CTNND2: variants seen among roughly 807,000 people sequenced by gnomAD.
CTNND2 encodes catenin delta-2.
CTNND2 carries 22 observed loss-of-function variants against 144.4 expected under a neutral mutation model. The observed-to-expected ratio is 0.15, with a 90% CI of 0.11 to 0.22. The LOEUF (loss-of-function observed/expected upper bound fraction) is 0.22, where lower values mean the gene tolerates loss of function less well. Ranked by LOEUF, CTNND2 falls within the 10% of genes least tolerant of loss-of-function variation. The pLI is 1.00. For synonymous variants in CTNND2, 751 were observed against 695.6 expected, an observed-to-expected ratio of 1.08 and a Z score of -1.25; for missense variants, 1,353 against 1,618.8, an observed-to-expected ratio of 0.84 and a Z score of 2.82.
At chr5:11,866,776 G>A (rs986955171) in intron 1 of CTNND2, among the ~76,000 whole-genome samples, 1 of 152,172 alleles carries the variant, frequency 6.6e-6, no homozygotes, top group Admixed American at 6.5e-5. Context: ...CGCACAGGGA[G>A]AAAGAGAAAT....
intron 3 of CTNND2, among the ~76,000 whole-genome samples, chr5:11,426,420 T>C (rs1348240685): frequency 3.9e-5 from 6 of 152,232 alleles, no homozygotes; most frequent in Non-Finnish European, 2.9e-5. Flanking sequence ...CTTAATGCTC[T>C]GCTGTTGCCC....
chr5:11,093,649 A>G (rs1468864078), intron 15 of CTNND2, among the ~76,000 whole-genome samples: 1 of 152,180 alleles, frequency 6.6e-6, no homozygotes, highest in Non-Finnish European at 1.5e-5. Flanking sequence ...GCAAAATTAT[A>G]GTATTTTACC....
chr5:11,245,718 A>C (rs973663920), intron 9 of CTNND2, among the ~76,000 whole-genome samples: 1 of 152,178 alleles, frequency 6.6e-6, no homozygotes, highest in African/African-American at 2.4e-5. Context: ...TTTTGTGTTA[A>C]TCTGTATTAG....
At chr5:11,832,087 T>C (rs529795358) in intron 1 of CTNND2, among the ~76,000 whole-genome samples, 5 of 151,990 alleles carry the variant, frequency 3.3e-5, no homozygotes, top group Non-Finnish European at 4.4e-5. Flanking sequence ...ATCGAGACCA[T>C]CCTGGCTAAC....
chr5:11,088,688 A>G (rs1750435881), intron 15 of CTNND2, among the ~76,000 whole-genome samples: 1 of 152,220 alleles, frequency 6.6e-6, no homozygotes, highest in African/African-American at 2.4e-5. Flanking sequence ...CCTATTGATA[A>G]GCCCTTTCAG....
intron 11 of CTNND2, among the ~76,000 whole-genome samples, chr5:11,183,849 G>A (rs1002201708): frequency 2.6e-5 from 4 of 152,006 alleles, no homozygotes; most frequent in South Asian, 2.1e-4. Flanking sequence ...TTGAGCCACC[G>A]CGCCTGGCCT....
At chr5:11,047,569 T>A (rs2907092) in intron 16 of CTNND2, among the ~76,000 whole-genome samples, 19 of 152,174 alleles carry the variant, frequency 1.2e-4, no homozygotes, top group South Asian at 8.3e-4. Flanking sequence ...GTGCCGTGAC[T>A]TTCGTTTATC....
intron 3 of CTNND2, among the ~76,000 whole-genome samples, chr5:11,459,042 T>C (rs1457030029): frequency 6.6e-6 from 1 of 152,112 alleles, no homozygotes; most frequent in Non-Finnish European, 1.5e-5. Context: ...AGTGTTGTGA[T>C]TATAGGCACG....
intron 2 of CTNND2, among the ~76,000 whole-genome samples, chr5:11,651,286 T>C (rs537784644): frequency 5.3e-5 from 8 of 152,330 alleles, no homozygotes; most frequent in African/African-American, 1.9e-4. Context: ...AGTTTCCACA[T>C]GGTATGAAGC....
intron 18 of CTNND2, among the ~76,000 whole-genome samples, chr5:11,001,591 G>A (rs182033444): frequency 6.6e-6 from 1 of 152,238 alleles, no homozygotes; most frequent in East Asian, 1.9e-4. Context: ...AGCATCCACG[G>A]TTCTTACACT....
intron 1 of CTNND2, among the ~76,000 whole-genome samples, chr5:11,898,356 A>C (rs552011921): frequency 1.3e-5 from 2 of 152,354 alleles, no homozygotes; most frequent in African/African-American, 4.8e-5. Flanking sequence ...GCAAAGAGAT[A>C]ATACAATAAA....
At chr5:11,802,676 C>T (rs1234017193) in intron 1 of CTNND2, among the ~76,000 whole-genome samples, 1 of 152,076 alleles carries the variant, frequency 6.6e-6, no homozygotes, top group African/African-American at 2.4e-5. Context: ...TATAATAAAA[C>T]CATGAAATTA....
intron 1 of CTNND2, among the ~76,000 whole-genome samples, chr5:11,774,838 T>C (rs1174638840): frequency 6.6e-6 from 1 of 152,208 alleles, no homozygotes; most frequent in African/African-American, 2.4e-5. Flanking sequence ...TTCAACTAAC[T>C]GAGCTTGTCT....
At chr5:11,874,821 G>T (rs1000249505) in intron 1 of CTNND2, among the ~76,000 whole-genome samples, 1 of 152,138 alleles carries the variant, frequency 6.6e-6, no homozygotes, top group South Asian at 2.1e-4. Flanking sequence ...TTTAACTCAC[G>T]AAATTGATAC....
Position 11,903,817 on chromosome 5 carries a change from C to A in CTNND2, c.37G>T (p.Gly13Ter). ...CCGGCCGCCCAGCCCCGCAACTCAC[C>A]CAAAGGCGCGGCGCCCGGCGGCTTC... The part of the protein sequence containing the change: ...ARKPPGAAPL[G>*]AMPVPDQPSS... Residue 13 changes from glycine to a stop codon, truncating the protein, a stop_gained and splice_region_variant, in exon 1 of 22, where the codon GGA becomes TGA. Transcript: ENST00000304623. LOFTEE classifies it high-confidence loss of function. This position sits in a 1 kb window ranked among gnomAD's most constrained non-coding sequence, Gnocchi z 5.4. 1 of 1,482,664 alleles carries A rather than the reference C, an allele frequency of 6.7e-7. No individual in the cohort carries two copies. The highest frequency in any genetic ancestry group is 1.3e-5 in the South Asian group (1 of 79,112). The allele number at this position is 1,482,664 out of a possible 1,614,324, so 91.8% of individuals were successfully genotyped here. A position where few individuals can be genotyped will look rare whatever the true frequency, so the allele number is the denominator to read the frequency against.
rs185666694 is a variant in CTNND2 at position 11,740,770 on chromosome 5, A to G, written c.38-8498T>C. Reference sequence around the variant, plus strand: ...GAACAGGCAACCTACAGACTGGGAGAAAATTTTTGCAATCTACCCATCTGA... The same window carrying G: ...GAACAGGCAACCTACAGACTGGGAGGAAATTTTTGCAATCTACCCATCTGA... On this transcript the variant is annotated intron_variant, in intron 1 of 21. Coordinates refer to ENST00000304623, the MANE Select transcript of CTNND2 (RefSeq NM_001332.4). 3.0e-3 allele frequency among the ~76,000 whole-genome samples: 450 copies of G among 152,306 alleles called. 1 individual carries two copies. The highest frequency in any genetic ancestry group is 6.8e-3 in the Middle Eastern group (2 of 294).
chr5:11,167,756 C>T (rs377245166), intron 11 of CTNND2, among the ~76,000 whole-genome samples: 5 of 150,206 alleles, frequency 3.3e-5, no homozygotes, highest in South Asian at 2.1e-4. Flanking sequence ...AGTGCAGCGG[C>T]GTGATCATGG....
At chr5:11,528,473 G>C (rs1158196433) in intron 3 of CTNND2, among the ~76,000 whole-genome samples, 2 of 152,272 alleles carry the variant, frequency 1.3e-5, no homozygotes, top group South Asian at 4.1e-4. Flanking sequence ...CCATGTCATG[G>C]AGTTATCAAA....
intron 1 of CTNND2, among the ~76,000 whole-genome samples, chr5:11,825,786 C>T (rs1475982387): frequency 6.6e-6 from 1 of 151,944 alleles, no homozygotes; most frequent in African/African-American, 2.4e-5. Flanking sequence ...AAGGATTAAG[C>T]AGACTTTTCC....
Sources: allele counts gnomAD v4.1 joint callset (sites outside exome capture counted in the v4.1 genomes callset), GRCh38; gene constraint gnomAD v4.1.1; non-coding constraint Gnocchi (gnomAD v3.1); transcripts MANE v1.5; gene names NCBI Gene and HGNC (gene_info 2026-07-23, HGNC 2026-07-21).